Variants in CCDC149 observed in about 807,000 individuals in gnomAD.
CCDC149 encodes coiled-coil domain containing 149.
Under a neutral mutation model 59.9 loss-of-function variants are expected in CCDC149, and 45 were observed. The observed-to-expected ratio is 0.75, with a 90% CI of 0.59 to 0.96. The LOEUF (loss-of-function observed/expected upper bound fraction) is 0.96. Ranked by LOEUF, CCDC149 falls within the 40% of genes least tolerant of loss-of-function variation. The pLI is 0.00. For synonymous variants in CCDC149, 245 were observed against 260.6 expected, an observed-to-expected ratio of 0.94 and a Z score of 0.58; for missense variants, 584 against 664.7, an observed-to-expected ratio of 0.88 and a Z score of 1.33.
Position 24,852,134 on chromosome 4 carries a change from T to C in CCDC149, c.372+938A>G, listed in dbSNP as rs180998824. ...AGAGCTCTCTGGATGACCCAGGCAATTCTATGCATATTTTAAAGAGTGAGC... is the reference window on the plus strand; with the variant it reads ...AGAGCTCTCTGGATGACCCAGGCAACTCTATGCATATTTTAAAGAGTGAGC... On this transcript the variant is annotated intron_variant, in intron 4 of 12. Transcript: ENST00000635206. Among the ~76,000 whole-genome samples, 110 of 152,028 alleles carry C rather than the reference T, an allele frequency of 7.2e-4. 1 individual carries two copies. Among genetic ancestry groups the C allele is most frequent in the Middle Eastern group, 6.8e-3 (2 of 294 alleles).
At chr4:24,926,198 A>G (rs1314275682) in intron 1 of CCDC149, among the ~76,000 whole-genome samples, 1 of 152,032 alleles carries the variant, frequency 6.6e-6, no homozygotes, top group Non-Finnish European at 1.5e-5. Context: ...CTCCATCTCG[A>G]AAAAAAAGAA....
chr4:24,868,240 G>A (rs978963358), intron 3 of CCDC149, among the ~76,000 whole-genome samples: 6 of 152,094 alleles, frequency 3.9e-5, no homozygotes, highest in African/African-American at 1.4e-4. Flanking sequence ...CTGGCTAAAC[G>A]GAAAGTTTCA....
intron 1 of CCDC149, among the ~76,000 whole-genome samples, chr4:24,950,675 C>A (rs547428435): frequency 6.9e-4 from 105 of 152,368 alleles, no homozygotes; most frequent in African/African-American, 2.5e-3. Context: ...ATCGTACTTA[C>A]CCCTTAGGGT....
At chr4:24,888,686 C>T (rs1439554713) in intron 1 of CCDC149, among the ~76,000 whole-genome samples, 1 of 152,154 alleles carries the variant, frequency 6.6e-6, no homozygotes, top group Non-Finnish European at 1.5e-5. Flanking sequence ...ATTCATCTTG[C>T]TGAAGTCCTC....
intron 10 of CCDC149, among the ~76,000 whole-genome samples, chr4:24,821,914 G>GATTCT (rs2109108652): frequency 6.6e-6 from 1 of 152,268 alleles, no homozygotes; most frequent in East Asian, 1.9e-4. Flanking sequence ...AGATTCTCAG[G>GATTCT]CTAAGTAAAA....
chr4:24,925,668 C>T (rs1341540394), intron 1 of CCDC149, among the ~76,000 whole-genome samples: 1 of 152,064 alleles, frequency 6.6e-6, no homozygotes, highest in Non-Finnish European at 1.5e-5. Context: ...TATTGTTTAA[C>T]AAAGAAGGTC....
At chr4:24,859,346 T>C (rs960310740) in intron 3 of CCDC149, among the ~76,000 whole-genome samples, 2 of 152,194 alleles carry the variant, frequency 1.3e-5, no homozygotes, top group Non-Finnish European at 2.9e-5. Context: ...TTTCAACTTT[T>C]AATGTTTTCA....
chr4:24,889,767 A>G (rs1354147262), intron 1 of CCDC149, among the ~76,000 whole-genome samples: 1 of 152,138 alleles, frequency 6.6e-6, no homozygotes, highest in African/African-American at 2.4e-5. Context: ...CATGTACAAT[A>G]TTTTGGTCAG....
intron 4 of CCDC149, among the ~76,000 whole-genome samples, chr4:24,849,756 G>C (rs979791857): frequency 2.6e-5 from 4 of 152,110 alleles, no homozygotes; most frequent in African/African-American, 9.7e-5. Context: ...TATAGATAAG[G>C]GTCATCAGTT....
intron 9 of CCDC149, among the ~76,000 whole-genome samples, chr4:24,824,131 G>A (rs907602173): frequency 3.3e-5 from 5 of 152,316 alleles, no homozygotes; most frequent in Middle Eastern, 3.4e-3. Context: ...GAGGGATGCC[G>A]TCTGAGCAGC....
At chr4:24,856,864 C>T (rs1399344654) in intron 3 of CCDC149, among the ~76,000 whole-genome samples, 3 of 152,188 alleles carry the variant, frequency 2.0e-5, no homozygotes, top group Non-Finnish European at 2.9e-5. Flanking sequence ...CCCTCCCTAC[C>T]AGATGGAGGG....
At chr4:24,908,658 C>T (rs1402197477) in intron 1 of CCDC149, among the ~76,000 whole-genome samples, 2 of 152,298 alleles carry the variant, frequency 1.3e-5, no homozygotes, top group Middle Eastern at 3.4e-3. Context: ...CATGATCGCA[C>T]CACTGTACTC....
At chr4:24,892,175 G>A (rs928985403) in intron 1 of CCDC149, among the ~76,000 whole-genome samples, 3 of 152,190 alleles carry the variant, frequency 2.0e-5, no homozygotes, top group African/African-American at 7.2e-5. Context: ...GTAAGACCCG[G>A]GGTGTGAGTC....
At chr4:24,879,545 C>A (rs1242335345) in intron 1 of CCDC149, among the ~76,000 whole-genome samples, 2 of 149,716 alleles carry the variant, frequency 1.3e-5, no homozygotes, top group African/African-American at 4.9e-5. Context: ...ATTAGCTGGG[C>A]ATGGTGGCAG....
At chr4:24,813,163 C>T (rs967358992) in intron 12 of CCDC149, among the ~76,000 whole-genome samples, 1 of 152,116 alleles carries the variant, frequency 6.6e-6, no homozygotes, top group African/African-American at 2.4e-5. Flanking sequence ...CCAGAACCCC[C>T]TCTTTCTCTG....
chr4:24,895,569 A>G (rs1334677055), intron 1 of CCDC149, among the ~76,000 whole-genome samples: 1 of 152,148 alleles, frequency 6.6e-6, no homozygotes, highest in Non-Finnish European at 1.5e-5. Context: ...GGCATTTCTC[A>G]TCTCTAGATA....
At chr4:24,838,756 T>C (rs1716716537) in intron 4 of CCDC149, among the ~76,000 whole-genome samples, 1 of 150,952 alleles carries the variant, frequency 6.6e-6, no homozygotes, top group Admixed American at 6.6e-5. Flanking sequence ...AAAAAATAGA[T>C]TGCACTGTTA....
intron 1 of CCDC149, among the ~76,000 whole-genome samples, chr4:24,962,107 T>C (rs1363317463): frequency 6.6e-6 from 1 of 151,446 alleles, no homozygotes; most frequent in Non-Finnish European, 1.5e-5. Flanking sequence ...CTCAAACAAA[T>C]TTACAAGAAA....
At chr4:24,876,340 C>CACACAG (rs1553854702) in intron 2 of CCDC149, among the ~76,000 whole-genome samples, 196 bp downstream of exon 2, 7 of 103,226 alleles carry the variant, frequency 6.8e-5, no homozygotes, top group Non-Finnish European at 1.0e-4. Flanking sequence ...CACACACACA[C>CACACAG]AGAGAGAGAG....
Sources: gnomAD v4.1 joint callset for allele counts (sites outside exome capture counted in the v4.1 genomes callset) on GRCh38, gnomAD v4.1.1 for gene constraint, MANE v1.5 for transcripts, NCBI Gene and HGNC (gene_info 2026-07-23, HGNC 2026-07-21) for gene names.